The following ARHGEF33 variants were observed in gnomAD, a reference collection of about 807,000 sequenced individuals.
ARHGEF33 encodes DH and coiled-coil domain-containing protein ENSP00000381780.
Under a neutral mutation model 101.9 loss-of-function variants are expected in ARHGEF33, and 72 were observed. The ratio of observed to expected loss-of-function variants is 0.71; its 90% CI spans 0.58 to 0.86. The LOEUF (loss-of-function observed/expected upper bound fraction) is 0.86. Ranked by LOEUF, ARHGEF33 falls within the 40% of genes least tolerant of loss-of-function variation. The pLI, the probability that ARHGEF33 is intolerant of heterozygous loss-of-function variation, is 0.00. For missense variants in ARHGEF33, 1,169 were observed against 1,111.3 expected, an observed-to-expected ratio of 1.05 and a Z score of -0.74; for synonymous variants, 499 against 442.5, an observed-to-expected ratio of 1.13 and a Z score of -1.60.
Position 38,951,103 on chromosome 2 carries a change from T to C in ARHGEF33, c.1035T>C (p.Leu345=). Reference sequence around the variant, plus strand: ...AAGGCGTTCTTGGAGATTTATTCCTTAAGTTAACAAATGACGAGGTAAGGT... The same window carrying C: ...AAGGCGTTCTTGGAGATTTATTCCTCAAGTTAACAAATGACGAGGTAAGGT... ...PRQGVLGDLF[L]KLTNDENNFL... The change falls in exon 11 of 18, where the codon CTT becomes CTC. Residue 345 remains leucine (L), a synonymous_variant. Transcript: ENST00000409978. 1 of 1,551,802 alleles carries C rather than the reference T, an allele frequency of 6.4e-7. No individual in the cohort carries two copies.
chr2:38,958,118 G>A lies in ARHGEF33; in HGVS notation c.1455G>A (p.Glu485=), dbSNP rs929630073. ...GQDASPTAGP[E]AVRDTGIHSE... ...ATGCTTCCCCCACTGCAGGTCCTGA[G>A]GCTGTCCGTGACACTGGGATCCACT... Residue 485 remains glutamate, a synonymous_variant, in exon 15 of 18, where the codon GAG becomes GAA. Transcript: ENST00000409978. 2 of 1,552,064 alleles carry A rather than the reference G, an allele frequency of 1.3e-6. No homozygotes were observed. Among genetic ancestry groups the A allele is most frequent in the African/African-American group, 1.4e-5 (1 of 73,150 alleles).
intron 15 of ARHGEF33, among the ~76,000 whole-genome samples, chr2:38,958,828 C>T (rs1336776410): frequency 6.6e-6 from 1 of 152,092 alleles, no homozygotes; most frequent in East Asian, 1.9e-4. Flanking sequence ...ATTACAGGCA[C>T]CTGCCACCAT....
At chr2:38,961,069 C>T (rs1255812324) in intron 16 of ARHGEF33, among the ~76,000 whole-genome samples, 1 of 152,164 alleles carries the variant, frequency 6.6e-6, no homozygotes, top group Non-Finnish European at 1.5e-5. Flanking sequence ...TGTGTTTCTT[C>T]TGTCTGTGAG....
intron 17 of ARHGEF33, among the ~76,000 whole-genome samples, chr2:38,967,032 C>T (rs1374709500): frequency 1.3e-5 from 2 of 152,196 alleles, no homozygotes; most frequent in African/African-American, 2.4e-5. Flanking sequence ...AACAAGTCTT[C>T]ATATTTTAGT....
chr2:38,908,059 C>G (rs1666432306), intron 2 of ARHGEF33, among the ~76,000 whole-genome samples: 1 of 151,888 alleles, frequency 6.6e-6, no homozygotes, highest in Admixed American at 6.6e-5. Flanking sequence ...AAGATAGGGT[C>G]TCACTATGTT....
chr2:38,935,901 C>T, intron 8 of ARHGEF33, 67 bp downstream of exon 8: 1 of 1,253,310 alleles, frequency 8.0e-7, no homozygotes, highest in Non-Finnish European at 1.1e-6. Context: ...TCTATCTTCC[C>T]TGCTTCCACT....
chr2:38,933,019 A>G (rs937734824), intron 7 of ARHGEF33, among the ~76,000 whole-genome samples: 2 of 152,232 alleles, frequency 1.3e-5, no homozygotes, highest in Non-Finnish European at 2.9e-5. Context: ...TGGCTTATCC[A>G]CTGTTGATAA....
intron 6 of ARHGEF33, 146 bp from the exon 7 acceptor site, chr2:38,930,963 G>T (rs1666985805): frequency 1.8e-6 from 1 of 564,162 alleles, no homozygotes; most frequent in Non-Finnish European, 2.9e-6. Flanking sequence ...GCTAGTATTT[G>T]ACCACTTTTA....
At chr2:38,912,305 G>C (rs1302050694) in intron 2 of ARHGEF33, among the ~76,000 whole-genome samples, 1 of 152,170 alleles carries the variant, frequency 6.6e-6, no homozygotes, top group Non-Finnish European at 1.5e-5. Context: ...GCTATCAAGG[G>C]CACAGTGAAG....
At chr2:38,928,465 T>G (rs1666921786) in intron 4 of ARHGEF33, among the ~76,000 whole-genome samples, 1 of 152,244 alleles carries the variant, frequency 6.6e-6, no homozygotes, top group Non-Finnish European at 1.5e-5. Context: ...TATTTATTCT[T>G]TAATTTCTTA....
At chr2:38,934,022 T>G (rs1278285381) in intron 7 of ARHGEF33, among the ~76,000 whole-genome samples, 1 of 152,222 alleles carries the variant, frequency 6.6e-6, no homozygotes, top group East Asian at 1.9e-4. Flanking sequence ...ATGTTTAGCC[T>G]CCCTACTCCT....
chr2:38,957,963 T>C (rs1387834060), intron 14 of ARHGEF33, 71 bp from the exon 15 acceptor site: 4 of 1,492,572 alleles, frequency 2.7e-6, no homozygotes, highest in Non-Finnish European at 3.6e-6. Context: ...CTATCTTTTT[T>C]GGCATAATAT....
chr2:38,965,954 CA>C (rs1668041700), intron 16 of ARHGEF33, 51 bp from the exon 17 acceptor site: 1 of 1,542,770 alleles, frequency 6.5e-7, no homozygotes, highest in Non-Finnish European at 8.8e-7. Flanking sequence ...AGTCAGGATC[CA>C]TAATAACATT....
rs2124432776 is a variant in ARHGEF33, at chr2:38,969,328, G to GGCCA, written c.2483+3184_2483+3185insCCAG. ...CAGCAAAGCCACTTGTGTCATGTCT[G>GGCCA]GGGCTTGCTACCTTCCTCCCCCACA... is the stretch of plus-strand genomic sequence containing the variant. On this transcript the variant is annotated intron_variant, in intron 17 of 17. Coordinates refer to ENST00000409978, the MANE Select transcript of ARHGEF33 (RefSeq NM_001145451.5). 1.8e-5 allele frequency: 3 copies of GGCCA among 167,476 alleles called. No homozygotes were observed. The East Asian group carries it at 5.8e-4, about 32-fold the overall frequency. 10.4% of individuals were successfully genotyped at this position (167,476 alleles called of 1,614,324 possible).
intron 2 of ARHGEF33, among the ~76,000 whole-genome samples, chr2:38,917,217 G>A (rs1390291474): frequency 2.7e-5 from 4 of 149,380 alleles, no homozygotes; most frequent in Non-Finnish European, 5.9e-5. Context: ...TCAGCCTCCC[G>A]AGTAGCTGGG....
chr2:38,936,184 C>G (rs434696), intron 8 of ARHGEF33, among the ~76,000 whole-genome samples: 43,668 of 152,026 alleles, frequency 0.29, 6,488 homozygotes, highest in Admixed American at 0.31. Flanking sequence ...TCAAAAGTTA[C>G]CTACTTTTAC....
At chr2:38,894,327 G>A (rs939687359) in intron 1 of ARHGEF33, among the ~76,000 whole-genome samples, 1 of 132,552 alleles carries the variant, frequency 7.5e-6, no homozygotes, top group African/African-American at 2.6e-5. Context: ...GAGAAAACCT[G>A]CCTTTAAAAA....
chr2:38,891,594 C>G (rs1037249857), intron 1 of ARHGEF33, among the ~76,000 whole-genome samples: 2 of 152,232 alleles, frequency 1.3e-5, no homozygotes, highest in Non-Finnish European at 2.9e-5. Flanking sequence ...GGTTAAGACC[C>G]TTAGACTTTG....
intron 15 of ARHGEF33, among the ~76,000 whole-genome samples, chr2:38,958,425 G>C (rs1233922994): frequency 6.6e-6 from 1 of 152,164 alleles, no homozygotes; most frequent in African/African-American, 2.4e-5. Flanking sequence ...TTACTTCATG[G>C]ATCACTTCAA....
Sources: allele counts gnomAD v4.1 joint callset (sites outside exome capture counted in the v4.1 genomes callset), GRCh38; gene constraint gnomAD v4.1.1; transcripts MANE v1.5; gene names NCBI Gene and HGNC (gene_info 2026-07-23, HGNC 2026-07-21).